Variants in ODAPH observed in about 807,000 individuals in gnomAD.
ODAPH encodes the protein odontogenesis associated phosphoprotein.
A neutral mutation model predicts 2.8 loss-of-function variants in ODAPH; 2 were observed. That is an observed-to-expected ratio of 0.72 (90% CI 0.30 to 2.28). ODAPH has a LOEUF of 2.28. Ranked by LOEUF, ODAPH falls within the 30% of genes most tolerant of loss-of-function variation. The probability of loss-of-function intolerance (pLI) is 0.13; values close to 1 mark genes in which losing one functional copy is unlikely to be tolerated. For synonymous variants in ODAPH, 75 were observed against 60.3 expected (o/e 1.24, Z -1.13); for missense variants, 159 against 163.3 (o/e 0.97, Z 0.14).
chr4:75,564,338 C>A lies in ODAPH; in HGVS notation c.292C>A (p.Arg98Ser). The A allele has an allele frequency of 6.2e-7, 1 of 1,614,104 alleles. No homozygotes were observed. The highest frequency in any genetic ancestry group is 8.5e-7 in the Non-Finnish European group (1 of 1,180,020). ...RPFVPSRCNH[R>S]FPFQPFYWPH... Reference sequence around the variant, plus strand: ...TTTCGTCCCTTCAAGGTGTAACCACCGTTTTCCATTCCAGCCATTTTATTG... The same window carrying A: ...TTTCGTCCCTTCAAGGTGTAACCACAGTTTTCCATTCCAGCCATTTTATTG... The change falls in exon 2 of 2, where the codon CGT becomes AGT. Residue 98 changes from arginine to serine, a missense_variant. Coordinates refer to ENST00000311623, the MANE Select transcript of ODAPH (RefSeq NM_178497.5).
At position 75,556,118 on chromosome 4, in the gene ODAPH, G is replaced by A; in HGVS notation, c.36G>A (p.Leu12=). 1 of 1,614,108 alleles carries A rather than the reference G, an allele frequency of 6.2e-7. No individual in the cohort carries two copies. Among genetic ancestry groups the A allele is most frequent in the Non-Finnish European group, 8.5e-7 (1 of 1,180,014 alleles). ...ARRHCFSYWL[L]VCWLVVTVAE... is the part of the protein sequence containing the mutation. ...GACACTGCTTCTCCTACTGGTTACT[G>A]GTATGCTGGTTGGTGGTAACTGTGG... is the stretch of plus-strand genomic sequence containing the variant. The change falls in exon 1 of 2, where the codon CTG becomes CTA. Residue 12 remains leucine, a synonymous_variant. Transcript: ENST00000311623.
intron 1 of ODAPH, among the ~76,000 whole-genome samples, chr4:75,559,997 A>C (rs1215300233): frequency 6.6e-6 from 1 of 150,928 alleles, no homozygotes; most frequent in Non-Finnish European, 1.5e-5. Flanking sequence ...CCCTGACAAA[A>C]AGAGAGAGAG....
intron 1 of ODAPH, among the ~76,000 whole-genome samples, chr4:75,557,012 G>C (rs28391812): frequency 2.0e-5 from 3 of 151,966 alleles, no homozygotes. Context: ...CAGATTCCCC[G>C]TTCCCATCCC....
chr4:75,565,262 T>G (rs1727768879), downstream of ODAPH: 1 of 152,168 alleles, frequency 6.6e-6, no homozygotes, highest in South Asian at 2.1e-4. Context: ...CCTCCCAGAG[T>G]GCTGGGATTA....
Position 75,556,156 on chromosome 4 carries a change from G to T in ODAPH, c.67+7G>T. On this transcript the variant is annotated splice_region_variant and intron_variant, in intron 1 of 1. Transcript: ENST00000311623. ...GTGGTAACTGTGGCAGAAGGTAAGG[G>T]TTTTGCTTTTATTCTACTGTGGGTC... The T allele has an allele frequency of 6.2e-7, 1 of 1,613,994 alleles. No individual in the cohort carries two copies. The highest frequency in any genetic ancestry group is 1.7e-5 in the Admixed American group (1 of 60,020).
At chr4:75,560,352 G>A (rs1439430813) in intron 1 of ODAPH, among the ~76,000 whole-genome samples, 2 of 152,142 alleles carry the variant, frequency 1.3e-5, no homozygotes, top group Non-Finnish European at 2.9e-5. Context: ...TGAGAAGATA[G>A]CAAAGGTTTA....
intron 1 of ODAPH, chr4:75,556,580 A>G: frequency 6.5e-7 from 1 of 1,534,626 alleles, no homozygotes; most frequent in Non-Finnish European, 8.7e-7. Flanking sequence ...ATTAATTTGC[A>G]CATGGTGGGT....
chr4:75,564,391 T>A lies in ODAPH; in HGVS notation c.345T>A (p.Tyr115Ter). Reference protein sequence around the residue: ...YWPHRYLTYRYFPRRRLQRGS... With the variant: ...YWPHRYLTYR ...CACACCGTTACCTTACTTATAGGTA[T>A]TTCCCCAGAAGAAGACTCCAGAGAG... Residue 115 changes from tyrosine to a stop codon, truncating the protein, a stop_gained, in exon 2 of 2, where the codon TAT (tyrosine) becomes TAA (stop). Transcript: ENST00000311623. LOFTEE classifies it low-confidence loss of function (END_TRUNC). The A allele has an allele frequency of 6.2e-7, 1 of 1,614,118 alleles. No individual in the cohort carries two copies. Among genetic ancestry groups the A allele is most frequent in the Non-Finnish European group, 8.5e-7 (1 of 1,180,032 alleles).
rs533831948 is a variant in ODAPH, at chr4:75,556,684, T to C, written c.67+535T>C. On this transcript the variant is annotated intron_variant, in intron 1 of 1. Transcript: ENST00000311623. ...GCACAGGTTTCTTTCTTTAGGATTT[T>C]ATTAGATTCCATTTCTCAACTGTTC... is the stretch of plus-strand genomic sequence containing the variant. 3.3e-4 allele frequency: 279 copies of C among 833,390 alleles called. 3 individuals are homozygous for C. The South Asian group carries it at 4.1e-3, about 12-fold the overall frequency. 51.6% of individuals were successfully genotyped at this position (833,390 alleles called of 1,614,324 possible). A position where few individuals can be genotyped will look rare whatever the true frequency, so the allele number is the denominator to read the frequency against.
rs550703165 is a variant in ODAPH, at chr4:75,562,122, T to G, written c.68-1992T>G. ...AGTGAATGAGTTGAGTGTCTATCAG[T>G]GGTCCAATCAGCCATAGCCAGAAGG... On this transcript the variant is annotated intron_variant, in intron 1 of 1. Coordinates refer to ENST00000311623, the MANE Select transcript of ODAPH (RefSeq NM_178497.5). 3.3e-5 allele frequency among the ~76,000 whole-genome samples: 5 copies of G among 152,284 alleles called. No individual in the cohort carries two copies. In the South Asian group the frequency reaches 1.0e-3, roughly 32 times the overall value.
chr4:75,564,316 C>T lies in ODAPH; in HGVS notation c.270C>T (p.Phe90=), dbSNP rs747540711. ...RIHFRFPNRP[F]VPSRCNHRFP... ...ATTTTAGGTTTCCAAACAGACCTTTCGTCCCTTCAAGGTGTAACCACCGTT... is the reference window on the plus strand; with the variant it reads ...ATTTTAGGTTTCCAAACAGACCTTTTGTCCCTTCAAGGTGTAACCACCGTT... The change falls in exon 2 of 2, where the codon TTC becomes TTT. Residue 90 remains phenylalanine, a synonymous_variant. Coordinates refer to ENST00000311623, the MANE Select transcript of ODAPH (RefSeq NM_178497.5). The T allele has an allele frequency of 1.2e-6, 2 of 1,614,144 alleles. No individual in the cohort carries two copies. Among genetic ancestry groups the T allele is most frequent in the Admixed American group, 1.7e-5 (1 of 60,016 alleles).
chr4:75,565,486 G>C (rs1727777630), downstream of ODAPH: 1 of 152,024 alleles, frequency 6.6e-6, no homozygotes, highest in Non-Finnish European at 1.5e-5. Context: ...ACTGCTACAA[G>C]AATATTCTGG....
chr4:75,557,329 T>C (rs1018095041), intron 1 of ODAPH, among the ~76,000 whole-genome samples: 7 of 152,168 alleles, frequency 4.6e-5, no homozygotes, highest in Non-Finnish European at 8.8e-5. Flanking sequence ...AGAGATTTAT[T>C]TTATTCACAT....
At chr4:75,565,161 C>A (rs1484790319), downstream of ODAPH, 4 of 152,404 alleles carry the variant, frequency 2.6e-5, no homozygotes, top group African/African-American at 9.7e-5. Context: ...CAAGCCTGGC[C>A]AATTTTTTGT....
chr4:75,564,542 G>T lies in ODAPH; in HGVS notation c.*103G>T. The stretch of plus-strand genomic sequence containing the variant: ...TTATCTTTCGAAACTAAAACTATTG[G>T]ATTTGAAGATTAAGTATCCTAAACA... On this transcript the variant is annotated 3_prime_UTR_variant, in exon 2 of 2. Transcript: ENST00000311623. 1 of 1,596,796 alleles carries T rather than the reference G, an allele frequency of 6.3e-7. No individual in the cohort carries two copies. The highest frequency in any genetic ancestry group is 1.1e-5 in the South Asian group (1 of 89,862).
chr4:75,563,951 G>A (rs1188154605), intron 1 of ODAPH, among the ~76,000 whole-genome samples, 163 bp from the exon 2 acceptor site: 1 of 152,182 alleles, frequency 6.6e-6, no homozygotes, highest in Non-Finnish European at 1.5e-5. Flanking sequence ...GGGTCATCCA[G>A]TGTGTCTGTG....
Position 75,556,117 on chromosome 4 carries a change from T to C in ODAPH, c.35T>C (p.Leu12Pro). The stretch of plus-strand genomic sequence containing the variant: ...AGACACTGCTTCTCCTACTGGTTAC[T>C]GGTATGCTGGTTGGTGGTAACTGTG... ...ARRHCFSYWL[L>P]VCWLVVTVAE... The change falls in exon 1 of 2, where the codon CTG becomes CCG. Residue 12 changes from leucine to proline, a missense_variant. By Grantham distance (98) the Leu-to-Pro change is moderately conservative. Coordinates refer to ENST00000311623, the MANE Select transcript of ODAPH (RefSeq NM_178497.5). 2 of 1,614,180 alleles carry C rather than the reference T, an allele frequency of 1.2e-6. No individual in the cohort carries two copies. The highest frequency in any genetic ancestry group is 2.2e-5 in the South Asian group (2 of 91,078).
intron 1 of ODAPH, among the ~76,000 whole-genome samples, chr4:75,556,816 G>T (rs1037523967): frequency 6.6e-6 from 1 of 152,020 alleles, no homozygotes; most frequent in Non-Finnish European, 1.5e-5. Flanking sequence ...ATGAAAAGAG[G>T]GAAATACAAG....
chr4:75,557,522 C>T (rs1054994144), intron 1 of ODAPH, among the ~76,000 whole-genome samples: 1 of 152,030 alleles, frequency 6.6e-6, no homozygotes. Context: ...GCCTGTAATC[C>T]CAGCTACTCG....
Sources: gnomAD v4.1 joint callset for allele counts (sites outside exome capture counted in the v4.1 genomes callset) on GRCh38, gnomAD v4.1.1 for gene constraint, MANE v1.5 for transcripts, NCBI Gene and HGNC (gene_info 2026-07-23, HGNC 2026-07-21) for gene names.